TJP3: variants seen among roughly 807,000 people sequenced by gnomAD.
TJP3 encodes the protein tight junction protein 3.
TJP3 carries 85 observed loss-of-function variants against 104.2 expected under a neutral mutation model. The ratio of observed to expected loss-of-function variants is 0.82; its 90% CI spans 0.68 to 0.98. The LOEUF (loss-of-function observed/expected upper bound fraction) is 0.98, where lower values mean the gene tolerates loss of function less well. TJP3 is among the 50% of genes least tolerant of loss of function. The pLI is 0.00. For missense variants in TJP3, 1,367 were observed against 1,322.8 expected, an observed-to-expected ratio of 1.03 and a Z score of -0.52; for synonymous variants, 550 against 550.6, an observed-to-expected ratio of 1.00 and a Z score of 0.02.
intron 1 of TJP3, among the ~76,000 whole-genome samples, chr19:3,717,997 C>T (rs1466299757): frequency 6.6e-6 from 1 of 151,104 alleles, no homozygotes; most frequent in African/African-American, 2.4e-5. Context: ...GGGCGGATCA[C>T]AAGGTCAGGA....
intron 15 of TJP3, among the ~76,000 whole-genome samples, 168 bp downstream of exon 15, chr19:3,744,202 G>A (rs1323701196): frequency 6.6e-6 from 1 of 152,128 alleles, no homozygotes; most frequent in Admixed American, 6.6e-5. Context: ...TCTTGGCACC[G>A]TTTGTCTGGA....
At chr19:3,735,344 C>T (rs1010672830) in intron 8 of TJP3, among the ~76,000 whole-genome samples, 13 of 151,890 alleles carry the variant, frequency 8.6e-5, no homozygotes, top group Non-Finnish European at 1.9e-4. Flanking sequence ...GGATTACAGG[C>T]GCCCACCATC....
chr19:3,737,999 T>C (rs1181800512), intron 11 of TJP3, among the ~76,000 whole-genome samples: 2 of 152,108 alleles, frequency 1.3e-5, no homozygotes, highest in Non-Finnish European at 2.9e-5. Context: ...CAGGTGGCTG[T>C]ATATTGCTGT....
intron 14 of TJP3, among the ~76,000 whole-genome samples, chr19:3,741,158 G>A (rs1344604972): frequency 5.3e-5 from 8 of 151,686 alleles, no homozygotes; most frequent in East Asian, 2.0e-4. Flanking sequence ...CCATCACCCC[G>A]CCCCCAGCTA....
At chr19:3,729,962 G>C in intron 3 of TJP3, 66 bp from the exon 4 acceptor site, 1 of 1,381,936 alleles carries the variant, frequency 7.2e-7, no homozygotes, top group Non-Finnish European at 1.0e-6. Context: ...CCCCTCCCCA[G>C]GGAGGGCTTG....
At chr19:3,734,265 G>A (rs2036708667) in intron 7 of TJP3, 62 bp from the exon 8 acceptor site, 2 of 1,551,650 alleles carry the variant, frequency 1.3e-6, no homozygotes, top group East Asian at 4.5e-5. Flanking sequence ...ATACCCCTCT[G>A]TAAAATGGGT....
intron 8 of TJP3, 101 bp from the exon 9 acceptor site, chr19:3,735,465 C>A: frequency 8.3e-7 from 1 of 1,203,636 alleles, no homozygotes; most frequent in Non-Finnish European, 1.2e-6. Flanking sequence ...TCCCAAAATG[C>A]TAGGATTACA....
chr19:3,730,847 AT>A lies in TJP3; in HGVS notation c.613+146del. ...AGGCGCCCGCCACCATGCCTGGCTA[AT>A]TTTTGTACTTTTGGTAGAGATGGGG... On this transcript the variant is annotated intron_variant, in intron 5 of 20. Transcript: ENST00000541714. The surrounding 1 kb of genome is among the most constrained non-coding windows in gnomAD (Gnocchi z 7.3). The A allele has an allele frequency of 1.1e-6, 1 of 893,786 alleles. No homozygotes were observed. Among genetic ancestry groups the A allele is most frequent in the South Asian group, 1.7e-5 (1 of 57,266 alleles). 55.4% of individuals were successfully genotyped at this position (893,786 alleles called of 1,614,324 possible). A position where few individuals can be genotyped will look rare whatever the true frequency, so the allele number is the denominator to read the frequency against.
chr19:3,721,328 G>A (rs1228313262), intron 1 of TJP3, among the ~76,000 whole-genome samples: 2 of 152,150 alleles, frequency 1.3e-5, no homozygotes, highest in African/African-American at 2.4e-5. Flanking sequence ...TGGGGCCTCC[G>A]GTTCCCCTCT....
chr19:3,719,930 G>A (rs548968943), intron 1 of TJP3, among the ~76,000 whole-genome samples: 2 of 152,218 alleles, frequency 1.3e-5, no homozygotes, highest in South Asian at 4.1e-4. Context: ...ATTTTGTATG[G>A]AGATTGGGTC....
intron 11 of TJP3, 94 bp from the exon 12 acceptor site, chr19:3,738,461 T>C: frequency 9.0e-7 from 1 of 1,111,334 alleles, no homozygotes; most frequent in Non-Finnish European, 1.3e-6. Flanking sequence ...TGGAAGCAGC[T>C]GGGGCTGAGT....
At chr19:3,709,393 G>C (rs568352185) in intron 1 of TJP3, among the ~76,000 whole-genome samples, 1 of 152,188 alleles carries the variant, frequency 6.6e-6, no homozygotes, top group African/African-American at 2.4e-5. Context: ...ACTGCGCCCA[G>C]ACTTCTTTTT....
At position 3,730,214 on chromosome 19, in the gene TJP3, C is replaced by A; in HGVS notation, c.261+84C>A. 6.5e-7 allele frequency: 1 copy of A among 1,533,806 alleles called. No homozygotes were observed. The highest frequency in any genetic ancestry group is 9.0e-7 in the Non-Finnish European group (1 of 1,110,938). On this transcript the variant is annotated intron_variant, in intron 4 of 20. Transcript: ENST00000541714. This position sits in a 1 kb window ranked among gnomAD's most constrained non-coding sequence, Gnocchi z 7.3. ...TGTGGGGGTTGTAAGCTTCTGAGAG[C>A]AAGGAGTCATCTTCTCATCTTACAG...
chr19:3,708,927 T>C (rs2036408929), intron 1 of TJP3, among the ~76,000 whole-genome samples: 1 of 152,052 alleles, frequency 6.6e-6, no homozygotes. Context: ...GTTTACCTCC[T>C]GCAGCCCGAG....
chr19:3,730,807 G>T lies in TJP3; in HGVS notation c.613+101G>T. On this transcript the variant is annotated intron_variant, in intron 5 of 20. Coordinates refer to ENST00000541714, the MANE Select transcript of TJP3 (RefSeq NM_001267560.2). The surrounding 1 kb of genome is among the most constrained non-coding windows in gnomAD (Gnocchi z 7.3). The stretch of plus-strand genomic sequence containing the variant: ...GTGATTCTCCTGCCTCAGCCTCCCT[G>T]GTGGCTGGGACTCCAGGCGCCCGCC... 7.5e-7 allele frequency: 1 copy of T among 1,335,512 alleles called. No homozygotes were observed. Among genetic ancestry groups the T allele is most frequent in the Non-Finnish European group, 1.0e-6 (1 of 996,936 alleles). The allele number at this position is 1,335,512 out of a possible 1,614,324, so 82.7% of individuals were successfully genotyped here.
chr19:3,724,600 G>A (rs1180977793), intron 1 of TJP3, among the ~76,000 whole-genome samples: 1 of 152,096 alleles, frequency 6.6e-6, no homozygotes, highest in African/African-American at 2.4e-5. Flanking sequence ...GCAGAGGCAC[G>A]ATCACAATTC....
In TJP3 at chr19:3,708,463, G is replaced by A. The variant is rs2036405320; in HGVS notation, c.-108G>A. 1 of 152,186 alleles carries A rather than the reference G, an allele frequency of 6.6e-6. No homozygotes were observed. The highest frequency in any genetic ancestry group is 1.5e-5 in the Non-Finnish European group (1 of 68,038). 9.4% of individuals were successfully genotyped at this position (152,186 alleles called of 1,614,324 possible). On this transcript the variant is annotated 5_prime_UTR_variant, in exon 1 of 21. Coordinates refer to ENST00000541714, the MANE Select transcript of TJP3 (RefSeq NM_001267560.2). ...TGGTCAAACAGGTGGGGAGGCCAGA[G>A]CTACAAGCCTCGGGTTCCCTCCCCA...
intron 15 of TJP3, among the ~76,000 whole-genome samples, chr19:3,745,566 G>A (rs2036876357): frequency 1.3e-5 from 2 of 152,174 alleles, no homozygotes; most frequent in South Asian, 2.1e-4. Flanking sequence ...AGGGCTTCCT[G>A]GAGGAAGCAG....
chr19:3,721,945 C>G (rs80129330), intron 1 of TJP3: 1 of 1,106,550 alleles, frequency 9.0e-7, no homozygotes, highest in Non-Finnish European at 1.1e-6. Context: ...GGGGGAGGGG[C>G]TCGGGCTGAG....
Sources: gnomAD v4.1 joint callset for allele counts (sites outside exome capture counted in the v4.1 genomes callset) on GRCh38, gnomAD v4.1.1 for gene constraint, Gnocchi (gnomAD v3.1) non-coding constraint, MANE v1.5 for transcripts, NCBI Gene and HGNC (gene_info 2026-07-23, HGNC 2026-07-21) for gene names.